The following RINT1 variants were observed in gnomAD, a reference collection of about 807,000 sequenced individuals.
The protein encoded by RINT1 is RAD50 interactor 1.
RINT1 carries 75 observed loss-of-function variants against 97.7 expected under a neutral mutation model. The observed-to-expected ratio is 0.77, with a 90% confidence interval of 0.64 to 0.93. The LOEUF (loss-of-function observed/expected upper bound fraction) is 0.93, where lower values mean the gene tolerates loss of function less well. RINT1 is among the 40% of genes least tolerant of loss of function. The pLI is 0.00. For synonymous variants in RINT1, 303 were observed against 326.3 expected (o/e 0.93, Z 0.77); for missense variants, 892 against 925.2 (o/e 0.96, Z 0.47).
At chr7:105,544,530 G>C (rs1052128970) in intron 4 of RINT1, among the ~76,000 whole-genome samples, 4 of 152,012 alleles carry the variant, frequency 2.6e-5, no homozygotes, top group African/African-American at 4.8e-5. Flanking sequence ...CACCTCCCGG[G>C]TTCAAGCGAT....
intron 2 of RINT1, among the ~76,000 whole-genome samples, chr7:105,534,201 C>G (rs971442968): frequency 2.0e-5 from 3 of 152,122 alleles, no homozygotes; most frequent in Non-Finnish European, 2.9e-5. Context: ...TCCTCAGTAG[C>G]TGGGATTACT....
intron 11 of RINT1, among the ~76,000 whole-genome samples, chr7:105,559,504 G>C (rs1249074683): frequency 8.0e-6 from 1 of 124,248 alleles, no homozygotes; most frequent in Non-Finnish European, 1.6e-5. Flanking sequence ...TTGTGCCACT[G>C]CACTCCAGCT....
chr7:105,567,418 T>C lies in RINT1; in HGVS notation c.*107T>C, dbSNP rs755583195. ...CTGAATTAATGAAACTGGAAAACTT[T>C]ATAGAATTACTTATTATCTTGGATT... On this transcript the variant is annotated 3_prime_UTR_variant, in exon 15 of 15. Coordinates refer to ENST00000257700, the MANE Select transcript of RINT1 (RefSeq NM_021930.6). 3.8e-6 allele frequency: 3 copies of C among 797,788 alleles called. No individual in the cohort carries two copies. The highest frequency in any genetic ancestry group is 1.7e-5 in the African/African-American group (1 of 57,982). 49.4% of individuals were successfully genotyped at this position (797,788 alleles called of 1,614,324 possible). A position where few individuals can be genotyped will look rare whatever the true frequency, so the allele number is the denominator to read the frequency against.
Position 105,548,438 on chromosome 7 carries a change from ACT to A in RINT1, c.840-113_840-112del, listed in dbSNP as rs1790771181. ...TTACATATTATTTGCATCATAATTA[ACT>A]CTACTGAGTATCTGATACATTTGTT... On this transcript the variant is annotated intron_variant, in intron 6 of 14. Coordinates refer to ENST00000257700, the MANE Select transcript of RINT1 (RefSeq NM_021930.6). The A allele has an allele frequency of 7.1e-6, 6 of 847,446 alleles. No homozygotes were observed. The East Asian group carries it at 1.2e-4, about 17-fold the overall frequency. 52.5% of individuals were successfully genotyped at this position (847,446 alleles called of 1,614,324 possible).
intron 9 of RINT1, among the ~76,000 whole-genome samples, chr7:105,551,084 A>G (rs1261713098): frequency 1.3e-5 from 2 of 152,062 alleles, no homozygotes; most frequent in Non-Finnish European, 2.9e-5. Context: ...GCTAGAGTGG[A>G]GTGGGCCGAT....
rs375452335 is a variant in RINT1 at position 105,546,912 on chromosome 7, A to G, written c.518A>G (p.Asp173Gly). 6.3e-7 allele frequency: 1 copy of G among 1,595,486 alleles called. No individual in the cohort carries two copies. The highest frequency in any genetic ancestry group is 8.5e-7 in the Non-Finnish European group (1 of 1,174,126). ...AATTTGCTTTACTTTGTTTACAGTG[A>G]TAACATTCAGCAATATCTGATGACC... is the stretch of plus-strand genomic sequence containing the variant. Reference protein sequence around the residue: ...KWISQIEELSDNIQQYLMTNN... With the variant: ...KWISQIEELSGNIQQYLMTNN... The change falls in exon 5 of 15, where the codon GAT becomes GGT. Residue 173 changes from aspartate to glycine, a missense_variant and splice_region_variant. Physicochemically the swap from Asp to Gly is moderately conservative, Grantham distance 94. Transcript: ENST00000257700.
rs553085502 is a variant in RINT1 at position 105,560,248 on chromosome 7, T to C, written c.1672-3485T>C. ...AAGGTGCCTCTCATATGTCCATCTC[T>C]GAACAATTACTAGTGCAGCCAGGGC... On this transcript the variant is annotated intron_variant, in intron 11 of 14. Transcript: ENST00000257700. 6.6e-5 allele frequency among the ~76,000 whole-genome samples: 10 copies of C among 152,302 alleles called. No homozygotes were observed. In the South Asian group the frequency reaches 2.1e-3, roughly 32 times the overall value.
At chr7:105,553,445 G>A (rs1791023697) in intron 10 of RINT1, among the ~76,000 whole-genome samples, 1 of 151,224 alleles carries the variant, frequency 6.6e-6, no homozygotes, top group African/African-American at 2.4e-5. Flanking sequence ...AGTTGGCCAG[G>A]CACGGTGGCT....
At chr7:105,535,329 A>G (rs1790185288) in intron 2 of RINT1, among the ~76,000 whole-genome samples, 8 of 127,526 alleles carry the variant, frequency 6.3e-5, no homozygotes, top group Admixed American at 5.0e-4. Context: ...TCCCGGGTTC[A>G]AGCGATTCTT....
At chr7:105,535,543 T>TTTTGTTTG (rs148400331) in intron 2 of RINT1, 2 of 453,434 alleles carry the variant, frequency 4.4e-6, no homozygotes, top group Non-Finnish European at 4.4e-6. Flanking sequence ...TTTTTTACTT[T>TTTTGTTTG]TTTGTTTGTT....
At chr7:105,533,823 C>T (rs1234537510) in intron 2 of RINT1, among the ~76,000 whole-genome samples, 1 of 152,148 alleles carries the variant, frequency 6.6e-6, no homozygotes, top group African/African-American at 2.4e-5. Context: ...ATTCAGATGC[C>T]TGGAAAGTAG....
At chr7:105,532,493 C>A in intron 1 of RINT1, 136 bp downstream of exon 1, 1 of 958,038 alleles carries the variant, frequency 1.0e-6, no homozygotes, top group Non-Finnish European at 1.6e-6. Flanking sequence ...GATTAGAGGC[C>A]CTTGTAAGAC....
chr7:105,552,482 C>T (rs1790969575), intron 10 of RINT1, among the ~76,000 whole-genome samples: 1 of 151,902 alleles, frequency 6.6e-6, no homozygotes, highest in African/African-American at 2.4e-5. Flanking sequence ...ATCCTCTGGC[C>T]CTGGTTGGTC....
chr7:105,551,781 G>A, intron 10 of RINT1, 74 bp downstream of exon 10: 1 of 1,293,706 alleles, frequency 7.7e-7, no homozygotes. Context: ...AAGTAGCTCA[G>A]TAGGCTGGGT....
Position 105,567,442 on chromosome 7 carries a change from T to C in RINT1, c.*131T>C, listed in dbSNP as rs1431942014. ...TTATAGAATTACTTATTATCTTGGA[T>C]TTATGGTGTTATTAAAATGCTGACC... On this transcript the variant is annotated 3_prime_UTR_variant, in exon 15 of 15. Coordinates refer to ENST00000257700, the MANE Select transcript of RINT1 (RefSeq NM_021930.6). The C allele has an allele frequency of 2.7e-6, 2 of 747,472 alleles. No individual in the cohort carries two copies. The highest frequency in any genetic ancestry group is 4.7e-6 in the Non-Finnish European group (2 of 429,798). The allele number at this position is 747,472 out of a possible 1,614,324, so 46.3% of individuals were successfully genotyped here.
chr7:105,560,284 C>CAAGT (rs887479721), intron 11 of RINT1, among the ~76,000 whole-genome samples: 2 of 152,114 alleles, frequency 1.3e-5, no homozygotes, highest in African/African-American at 4.8e-5. Context: ...ATGGTATTAC[C>CAAGT]AAGTTATGTG....
At chr7:105,541,152 T>G (rs58268566) in intron 3 of RINT1, among the ~76,000 whole-genome samples, 4,762 of 151,020 alleles carry the variant, frequency 0.032, 249 homozygotes, top group African/African-American at 0.11. Context: ...TTTTTTTTTT[T>G]CTTCTTTGAG....
intron 4 of RINT1, among the ~76,000 whole-genome samples, chr7:105,545,803 C>G (rs1016728912): frequency 2.9e-5 from 4 of 138,848 alleles, no homozygotes; most frequent in Admixed American, 7.3e-5. Flanking sequence ...GAGGCCACCA[C>G]GCCTGGCCTC....
chr7:105,540,422 CG>C (rs1435860640), intron 3 of RINT1, among the ~76,000 whole-genome samples: 1 of 152,106 alleles, frequency 6.6e-6, no homozygotes, highest in East Asian at 1.9e-4. Context: ...CTACCACACC[CG>C]GCTAGTTTTT....
Sources: allele counts gnomAD v4.1 joint callset (sites outside exome capture counted in the v4.1 genomes callset), GRCh38; gene constraint gnomAD v4.1.1; transcripts MANE v1.5; gene names NCBI Gene and HGNC (gene_info 2026-07-23, HGNC 2026-07-21).